The following SMAD3 variants were observed in gnomAD, a reference collection of about 807,000 sequenced individuals.
SMAD3 encodes the protein SMAD family member 3.
Under a neutral mutation model 51.8 loss-of-function variants are expected in SMAD3, and 12 were observed. That is an observed-to-expected ratio of 0.23 (90% CI 0.15 to 0.38). SMAD3 has a LOEUF of 0.38. Among genes scored for constraint, SMAD3 ranks in the 10% least tolerant of loss-of-function variants. The pLI is 1.00. For missense variants in SMAD3, 294 were observed against 565.6 expected, an observed-to-expected ratio of 0.52 and a Z score of 4.87; for synonymous variants, 238 against 227.7, an observed-to-expected ratio of 1.05 and a Z score of -0.41.
At chr15:67,088,711 G>A (rs1248733451) in intron 1 of SMAD3, among the ~76,000 whole-genome samples, 11 of 152,144 alleles carry the variant, frequency 7.2e-5, no homozygotes. Context: ...GGCGAATCAC[G>A]AGGTCAGGAG....
chr15:67,150,822 T>TTTTTTA (rs1386192487), intron 1 of SMAD3, among the ~76,000 whole-genome samples: 3 of 126,284 alleles, frequency 2.4e-5, no homozygotes, highest in Non-Finnish European at 5.1e-5. Flanking sequence ...TTTTTTTTAT[T>TTTTTTA]AAGAGAGCAA....
intron 1 of SMAD3, among the ~76,000 whole-genome samples, chr15:67,126,729 G>A (rs1233590138): frequency 2.0e-5 from 3 of 152,190 alleles, no homozygotes; most frequent in Admixed American, 6.5e-5. Context: ...AATGTTTGTC[G>A]GATGAGTATG....
At position 67,065,799 on chromosome 15, in the gene SMAD3, G is replaced by C; in HGVS notation, c.-356G>C. ...GGGTTGGACTTTCCTTCCCGGAGGCGGCACCCAAACAGCTACCCCGTGCGG... is the reference window on the plus strand; with the variant it reads ...GGGTTGGACTTTCCTTCCCGGAGGCCGCACCCAAACAGCTACCCCGTGCGG... On this transcript the variant is annotated 5_prime_UTR_variant, in exon 1 of 9. Transcript: ENST00000327367. 1 of 205,882 alleles carries C rather than the reference G, an allele frequency of 4.9e-6. No individual in the cohort carries two copies. Among genetic ancestry groups the C allele is most frequent in the Non-Finnish European group, 1.0e-5 (1 of 100,422 alleles). 12.8% of individuals were successfully genotyped at this position (205,882 alleles called of 1,614,324 possible). A position where few individuals can be genotyped will look rare whatever the true frequency, so the allele number is the denominator to read the frequency against.
intron 5 of SMAD3, among the ~76,000 whole-genome samples, chr15:67,175,362 T>A (rs999300492): frequency 1.3e-5 from 2 of 152,014 alleles, no homozygotes; most frequent in Non-Finnish European, 2.9e-5. Context: ...TAGGGCAGCT[T>A]GGAGGTGGCT....
chr15:67,169,626 T>A (rs903192003), intron 4 of SMAD3, among the ~76,000 whole-genome samples: 65 of 150,498 alleles, frequency 4.3e-4, no homozygotes, highest in Admixed American at 2.3e-3. Context: ...CGGCTTATTT[T>A]TTTTTTTTTT....
Position 67,066,190 on chromosome 15 carries a change from G to A in SMAD3, c.36G>A (p.Val12=), listed in dbSNP as rs201824839. 18 of 1,611,180 alleles carry A rather than the reference G, an allele frequency of 1.1e-5. No homozygotes were observed. The highest frequency in any genetic ancestry group is 8.9e-5 in the East Asian group (4 of 44,774). ...TCCTGCCTTTCACTCCCCCGATCGT[G>A]AAGCGCCTGCTGGGCTGGAAGAAGG... The part of the protein sequence containing the change: ...SSILPFTPPI[V]KRLLGWKKGE... The change falls in exon 1 of 9, where the codon GTG becomes GTA. Residue 12 remains valine, a synonymous_variant. Coordinates refer to ENST00000327367, the MANE Select transcript of SMAD3 (RefSeq NM_005902.4).
In SMAD3 at chr15:67,191,641, G is replaced by A. The variant is rs8031440; in HGVS notation, c.*1105G>A. ...CTCTCCTGAGGTGAAGCTTTTCCAGGTTTTGTTGAAGAGATACCTGCCAGC... is the reference window on the plus strand; with the variant it reads ...CTCTCCTGAGGTGAAGCTTTTCCAGATTTTGTTGAAGAGATACCTGCCAGC... On this transcript the variant is annotated 3_prime_UTR_variant, in exon 9 of 9. Transcript: ENST00000327367. 0.22 allele frequency: 52,188 copies of A among 232,796 alleles called. 7,174 individuals are homozygous for A. The highest frequency in any genetic ancestry group is 0.48 in the East Asian group (7,910 of 16,632). The allele number at this position is 232,796 out of a possible 1,614,324, so 14.4% of individuals were successfully genotyped here.
intron 3 of SMAD3, chr15:67,166,499 G>T: frequency 1.9e-6 from 1 of 535,344 alleles, no homozygotes; most frequent in Admixed American, 3.1e-5. Context: ...TGAAGGACCA[G>T]GATAAGTTAG....
At chr15:67,066,410 G>A in intron 1 of SMAD3, 50 bp downstream of exon 1, 1 of 1,480,360 alleles carries the variant, frequency 6.8e-7, no homozygotes, top group Non-Finnish European at 9.3e-7. Flanking sequence ...CCAGCCCCCT[G>A]GCACTGCGGG....
chr15:67,073,633 C>G (rs959777646), intron 1 of SMAD3, among the ~76,000 whole-genome samples: 4 of 152,018 alleles, frequency 2.6e-5, no homozygotes, highest in Non-Finnish European at 5.9e-5. Flanking sequence ...ATTGGAGGGC[C>G]TTTCTAACTT....
chr15:67,088,215 C>T (rs1018028876), intron 1 of SMAD3, among the ~76,000 whole-genome samples: 9 of 152,322 alleles, frequency 5.9e-5, no homozygotes, highest in African/African-American at 2.2e-4. Context: ...CTCCCTGGAG[C>T]CCGTGGCCCA....
chr15:67,122,068 C>G (rs1961277760), intron 1 of SMAD3, among the ~76,000 whole-genome samples: 1 of 152,218 alleles, frequency 6.6e-6, no homozygotes, highest in African/African-American at 2.4e-5. Flanking sequence ...TATAGAGCAG[C>G]ACGTTTTCAT....
At position 67,190,643 on chromosome 15, in the gene SMAD3, CTT is replaced by C; in HGVS notation, c.*109_*110del. 1 of 1,254,888 alleles carries C rather than the reference CTT, an allele frequency of 8.0e-7. No individual in the cohort carries two copies. The highest frequency in any genetic ancestry group is 1.1e-6 in the Non-Finnish European group (1 of 876,822). 77.7% of individuals were successfully genotyped at this position (1,254,888 alleles called of 1,614,324 possible). Reference sequence around the variant, plus strand: ...CCATTGTTGTCAAGGAAGAAGAAATCTTTCTCCCTCAACTGAAGGGGTGCACC... The same window carrying C: ...CCATTGTTGTCAAGGAAGAAGAAATCTCTCCCTCAACTGAAGGGGTGCACC... On this transcript the variant is annotated 3_prime_UTR_variant, in exon 9 of 9. Coordinates refer to ENST00000327367, the MANE Select transcript of SMAD3 (RefSeq NM_005902.4).
In SMAD3 at chr15:67,086,379, A is replaced by G. The variant is rs910327456; in HGVS notation, c.206+20019A>G. Among the ~76,000 whole-genome samples, 26 of 152,212 alleles carry G rather than the reference A, an allele frequency of 1.7e-4. 1 individual carries two copies. The highest frequency in any genetic ancestry group is 1.0e-4 in the Non-Finnish European group (7 of 68,048). ...CAGCCCTTGAAGGGAATCAGTATCT[A>G]CAGCCTAAGAAATCTGATGGGACAC... On this transcript the variant is annotated intron_variant, in intron 1 of 8. Coordinates refer to ENST00000327367, the MANE Select transcript of SMAD3 (RefSeq NM_005902.4).
At chr15:67,122,661 G>A (rs1961292044) in intron 1 of SMAD3, among the ~76,000 whole-genome samples, 2 of 152,132 alleles carry the variant, frequency 1.3e-5, no homozygotes, top group Admixed American at 1.3e-4. Flanking sequence ...GACTTTCTTA[G>A]GAAAGTAATC....
intron 1 of SMAD3, among the ~76,000 whole-genome samples, chr15:67,074,676 T>C (rs1471172269): frequency 6.6e-6 from 1 of 152,204 alleles, no homozygotes; most frequent in Non-Finnish European, 1.5e-5. Flanking sequence ...TGTTTGTTTC[T>C]TTATCTCTGT....
At chr15:67,085,867 T>G (rs1302631530) in intron 1 of SMAD3, among the ~76,000 whole-genome samples, 14 of 54,832 alleles carry the variant, frequency 2.6e-4, no homozygotes, top group Admixed American at 1.5e-3. Context: ...AAAAAAAGCG[T>G]GCACACACAC....
chr15:67,126,645 G>A (rs551206424), intron 1 of SMAD3, among the ~76,000 whole-genome samples: 60 of 152,302 alleles, frequency 3.9e-4, no homozygotes, highest in African/African-American at 1.4e-3. Flanking sequence ...CCCAAGGACA[G>A]AGCCCTTTCC....
At chr15:67,164,768 C>T in intron 1 of SMAD3, 127 bp from the exon 2 acceptor site, 1 of 1,005,874 alleles carries the variant, frequency 9.9e-7, no homozygotes, top group African/African-American at 1.6e-5. Flanking sequence ...ATCTCCTGGA[C>T]CTCTGGATCT....
Sources: allele counts gnomAD v4.1 joint callset (sites outside exome capture counted in the v4.1 genomes callset), GRCh38; gene constraint gnomAD v4.1.1; transcripts MANE v1.5; gene names NCBI Gene and HGNC (gene_info 2026-07-23, HGNC 2026-07-21).